The following MAP2 variants were observed in gnomAD, a reference collection of about 807,000 sequenced individuals.
The protein encoded by MAP2 is microtubule associated protein 2.
In MAP2, 14 loss-of-function variants were observed where a neutral mutation model predicts 137.6. That is an observed-to-expected ratio of 0.10 (90% CI 0.07 to 0.16). The LOEUF is 0.16. Ranked by LOEUF, MAP2 falls within the 10% of genes least tolerant of loss-of-function variation. The pLI is 1.00. For missense variants in MAP2, 2,088 were observed against 2,191.5 expected (o/e 0.95, Z 0.94); for synonymous variants, 786 against 782.3 (o/e 1.00, Z -0.08).
At chr2:209,656,350 C>CA (rs936313456) in intron 5 of MAP2, among the ~76,000 whole-genome samples, 6 of 149,622 alleles carry the variant, frequency 4.0e-5, no homozygotes, top group East Asian at 2.0e-4. Context: ...ACCTCATCTC[C>CA]AAAAAAAAAT....
chr2:209,702,401 CTT>C (rs1448849164), intron 11 of MAP2, among the ~76,000 whole-genome samples: 1 of 151,824 alleles, frequency 6.6e-6, no homozygotes, highest in Non-Finnish European at 1.5e-5. Context: ...CCCCGAGTAA[CTT>C]TTATTTGATT....
chr2:209,581,635 G>T (rs1313616917), intron 3 of MAP2, among the ~76,000 whole-genome samples: 2 of 152,064 alleles, frequency 1.3e-5, no homozygotes, highest in African/African-American at 4.8e-5. Context: ...TAAATCCAGA[G>T]AGCATATATT....
rs559503796 is a variant in MAP2, at chr2:209,492,622, A to C, written c.-221-14970A>C. On this transcript the variant is annotated intron_variant, in intron 1 of 15. Coordinates refer to ENST00000682079, the MANE Select transcript of MAP2 (RefSeq NM_001375505.1). Reference sequence around the variant, plus strand: ...GATACAAAATTAATGTGGAAAAATCACAAGCATTCCTATACACCAATAATA... The same window carrying C: ...GATACAAAATTAATGTGGAAAAATCCCAAGCATTCCTATACACCAATAATA... Among the ~76,000 whole-genome samples the C allele has an allele frequency of 1.3e-3, 204 of 152,326 alleles. 1 individual carries two copies. The highest frequency in any genetic ancestry group is 4.7e-3 in the African/African-American group (197 of 41,580).
intron 1 of MAP2, among the ~76,000 whole-genome samples, chr2:209,463,623 A>G (rs1034576848): frequency 6.6e-6 from 1 of 152,238 alleles, no homozygotes. Flanking sequence ...ATAAAAATGT[A>G]TGTACTGAAA....
chr2:209,443,086 C>G (rs1340714861), intron 1 of MAP2, among the ~76,000 whole-genome samples: 1 of 151,534 alleles, frequency 6.6e-6, no homozygotes, highest in Non-Finnish European at 1.5e-5. Flanking sequence ...GCATATAAAA[C>G]CATGCAAATC....
intron 1 of MAP2, among the ~76,000 whole-genome samples, chr2:209,440,194 G>A (rs1467579124): frequency 6.6e-6 from 1 of 151,388 alleles, no homozygotes; most frequent in African/African-American, 2.4e-5. Context: ...TCCCAGTTGT[G>A]TCTATGAAGG....
At chr2:209,609,708 A>C (rs55911510) in intron 3 of MAP2, among the ~76,000 whole-genome samples, 26,682 of 152,140 alleles carry the variant, frequency 0.18, 3,508 homozygotes, top group African/African-American at 0.37. Flanking sequence ...TTATTAGTTC[A>C]TTAATCAGTT....
chr2:209,715,657 A>G (rs552664306), intron 13 of MAP2, among the ~76,000 whole-genome samples: 1 of 152,340 alleles, frequency 6.6e-6, no homozygotes, highest in Non-Finnish European at 1.5e-5. Context: ...ATATTTGAAT[A>G]GAAGCTCCAA....
intron 2 of MAP2, among the ~76,000 whole-genome samples, chr2:209,549,392 G>A (rs1415776692): frequency 6.6e-6 from 1 of 152,022 alleles, no homozygotes; most frequent in Non-Finnish European, 1.5e-5. Context: ...GGCTCTGGTG[G>A]CTCCCACTCT....
intron 3 of MAP2, among the ~76,000 whole-genome samples, chr2:209,614,837 A>G (rs891946861): frequency 6.6e-6 from 1 of 152,190 alleles, no homozygotes; most frequent in Non-Finnish European, 1.5e-5. Flanking sequence ...AACAACATGC[A>G]GCAGAAGATA....
At chr2:209,677,259 T>G (rs928412899) in intron 5 of MAP2, among the ~76,000 whole-genome samples, 1 of 151,978 alleles carries the variant, frequency 6.6e-6, no homozygotes, top group Non-Finnish European at 1.5e-5. Flanking sequence ...AATATGCTAA[T>G]AAGATAGTAT....
At chr2:209,490,257 T>A (rs1033158375) in intron 1 of MAP2, among the ~76,000 whole-genome samples, 66 of 152,242 alleles carry the variant, frequency 4.3e-4, no homozygotes, top group African/African-American at 1.4e-3. Flanking sequence ...CAGGCCTGCC[T>A]TAAAGAGCTC....
In MAP2 at chr2:209,484,418, G is replaced by T. The variant is rs557931116; in HGVS notation, c.-221-23174G>T. Among the ~76,000 whole-genome samples the T allele has an allele frequency of 4.6e-5, 7 of 152,176 alleles. No individual in the cohort carries two copies. In the South Asian group the frequency reaches 1.5e-3, roughly 32 times the overall value. On this transcript the variant is annotated intron_variant, in intron 1 of 15. Transcript: ENST00000682079. The stretch of plus-strand genomic sequence containing the variant: ...AAGAAAATGTATTTGATGGCGAGGC[G>T]CAGTGGCTCACGCCCGTAATCCCAG...
chr2:209,513,232 A>AC (rs1159737768), intron 2 of MAP2, among the ~76,000 whole-genome samples: 1 of 152,114 alleles, frequency 6.6e-6, no homozygotes, highest in Non-Finnish European at 1.5e-5. Context: ...AACTTCCAGT[A>AC]CCTTCTCAGG....
At chr2:209,439,896 T>A (rs1454665289) in intron 1 of MAP2, among the ~76,000 whole-genome samples, 3 of 151,450 alleles carry the variant, frequency 2.0e-5, no homozygotes, top group African/African-American at 4.8e-5. Flanking sequence ...TAAAATAACA[T>A]CTTACTGACC....
intron 2 of MAP2, among the ~76,000 whole-genome samples, chr2:209,532,419 G>A (rs941819097): frequency 2.0e-5 from 3 of 151,894 alleles, no homozygotes; most frequent in Non-Finnish European, 4.4e-5. Flanking sequence ...TTATTTCATT[G>A]AATCCTTTAG....
intron 4 of MAP2, among the ~76,000 whole-genome samples, chr2:209,627,846 C>T (rs375612111): frequency 4.1e-4 from 62 of 152,260 alleles, no homozygotes; most frequent in African/African-American, 1.4e-3. Flanking sequence ...GATATCCTCA[C>T]ACTGCTTACC....
chr2:209,625,485 A>G (rs1259448777), intron 4 of MAP2, among the ~76,000 whole-genome samples: 2 of 152,170 alleles, frequency 1.3e-5, no homozygotes, highest in Non-Finnish European at 2.9e-5. Context: ...GCATAAATCA[A>G]TTCATTTACT....
chr2:209,579,327 A>T (rs1028604006), intron 2 of MAP2: 6 of 151,988 alleles, frequency 3.9e-5, no homozygotes, highest in Admixed American at 1.3e-4. Flanking sequence ...AGACCAGATG[A>T]TGACATTCAT....
Sources: gnomAD v4.1 joint callset for allele counts (sites outside exome capture counted in the v4.1 genomes callset) on GRCh38, gnomAD v4.1.1 for gene constraint, MANE v1.5 for transcripts, NCBI Gene and HGNC (gene_info 2026-07-23, HGNC 2026-07-21) for gene names.